The following FSD2 variants were observed in gnomAD, a reference collection of about 807,000 sequenced individuals.
The protein encoded by FSD2 is fibronectin type III and SPRY domain containing 2, also known as fibronectin type III and SPRY domain-containing protein 2.
A neutral mutation model predicts 80.4 loss-of-function variants in FSD2; 71 were observed. The observed-to-expected ratio is 0.88, with a 90% CI of 0.73 to 1.08. FSD2 has a LOEUF of 1.08. Among genes scored for constraint, FSD2 ranks in the 50% least tolerant of loss-of-function variants. FSD2 has a pLI of 0.00. For missense variants in FSD2, 923 were observed against 913.8 expected (o/e 1.01, Z -0.13); for synonymous variants, 361 against 329.5 (o/e 1.10, Z -1.03).
rs1283490348 is a variant in FSD2 at position 82,759,432 on chromosome 15, C to T, written c.2166G>A (p.Val722=). 6.2e-7 allele frequency: 1 copy of T among 1,613,698 alleles called. No individual in the cohort carries two copies. Reference sequence around the variant, plus strand: ...GCTTTTCCAAAGAAAAACAGGGATGCACAAATTCGTGAAGCTGACAACTAA... The same window carrying T: ...GCTTTTCCAAAGAAAAACAGGGATGTACAAATTCGTGAAGCTGACAACTAA... ...YTFSCQLHEF[V]HPCFSLEKPG... is the part of the protein sequence containing the mutation. Residue 722 remains valine, a synonymous_variant, in exon 13 of 13, where the codon GTG becomes GTA. Transcript: ENST00000334574.
At chr15:82,761,118 G>A (rs2049287594) in intron 12 of FSD2, among the ~76,000 whole-genome samples, 1 of 152,210 alleles carries the variant, frequency 6.6e-6, no homozygotes, top group East Asian at 1.9e-4. Context: ...TCCCACTTAT[G>A]CTTGGGCATG....
chr15:82,775,658 T>C (rs180852126), intron 6 of FSD2, among the ~76,000 whole-genome samples: 1 of 152,278 alleles, frequency 6.6e-6, no homozygotes, highest in African/African-American at 2.4e-5. Flanking sequence ...CTCTAATCTT[T>C]ATTATTTCCT....
chr15:82,796,096 G>A (rs1331292288), intron 1 of FSD2, among the ~76,000 whole-genome samples: 2 of 149,354 alleles, frequency 1.3e-5, no homozygotes, highest in Non-Finnish European at 3.0e-5. Flanking sequence ...CCGCCTTCTG[G>A]TTTCAAGTGA....
intron 7 of FSD2, among the ~76,000 whole-genome samples, chr15:82,770,111 G>A (rs1243954550): frequency 1.3e-5 from 2 of 152,154 alleles, no homozygotes; most frequent in Non-Finnish European, 1.5e-5. Context: ...TTTGGTCAAT[G>A]GGGCAATAAC....
At chr15:82,805,172 T>A (rs1427346804) in intron 1 of FSD2, among the ~76,000 whole-genome samples, 2 of 145,908 alleles carry the variant, frequency 1.4e-5, no homozygotes, top group African/African-American at 5.1e-5. Flanking sequence ...AGAGACAGGT[T>A]CTTGCTATGT....
At position 82,783,148 on chromosome 15, in the gene FSD2, G is replaced by C. The variant is rs2049912010; in HGVS notation, c.736-123C>G. The C allele has an allele frequency of 4.3e-6, 3 of 696,454 alleles. No individual in the cohort carries two copies. In the East Asian group the frequency reaches 7.7e-5, roughly 18 times the overall value. The allele number at this position is 696,454 out of a possible 1,614,324, so 43.1% of individuals were successfully genotyped here. A position where few individuals can be genotyped will look rare whatever the true frequency, so the allele number is the denominator to read the frequency against. On this transcript the variant is annotated intron_variant, in intron 3 of 12. Coordinates refer to ENST00000334574, the MANE Select transcript of FSD2 (RefSeq NM_001007122.4). ...CAGTCTTGCAGTGTTGCCCAGGCTG[G>C]AGTACAGTAGTGTGATCTTGGCTCA...
chr15:82,803,009 C>A (rs776926490), intron 1 of FSD2, among the ~76,000 whole-genome samples: 1 of 152,012 alleles, frequency 6.6e-6, no homozygotes, highest in African/African-American at 2.4e-5. Flanking sequence ...TTGGGCTAGG[C>A]GCTGGGGGTA....
At chr15:82,780,371 G>C (rs1370729597) in intron 4 of FSD2, 104 bp from the exon 5 acceptor site, 2 of 779,454 alleles carry the variant, frequency 2.6e-6, no homozygotes, top group Admixed American at 6.8e-5. Context: ...GTCTCACTCT[G>C]TCCCCCAGGC....
rs2050003709 is a variant in FSD2, at chr15:82,786,591, T to A, written c.655A>T (p.Asn219Tyr). Reference sequence around the variant, plus strand: ...ATCTGCTTTTCCAATTTGTACATGTTTTTGTGAATTTCATCCTATCCAACA... The same window carrying A: ...ATCTGCTTTTCCAATTTGTACATGTATTTGTGAATTTCATCCTATCCAACA... ...LESAKDEIHK[N>Y]MYKLEKQIIE... The change falls in exon 3 of 13, where the codon AAC (asparagine) becomes TAC (tyrosine). Residue 219 changes from asparagine (N) to tyrosine (Y), a missense_variant. Physicochemically the swap from Asn to Tyr is moderately radical, Grantham distance 143 (BLOSUM62 -2). Transcript: ENST00000334574. The A allele has an allele frequency of 1.2e-6, 2 of 1,613,464 alleles. No homozygotes were observed. The highest frequency in any genetic ancestry group is 1.7e-6 in the Non-Finnish European group (2 of 1,179,620).
chr15:82,770,179 C>T (rs929211137), intron 7 of FSD2, among the ~76,000 whole-genome samples: 8 of 152,228 alleles, frequency 5.3e-5, no homozygotes, highest in African/African-American at 1.9e-4. Flanking sequence ...CCTCTTGCTG[C>T]TGGGGATGCT....
chr15:82,776,798 A>G (rs1466408911), intron 6 of FSD2, among the ~76,000 whole-genome samples: 1 of 152,220 alleles, frequency 6.6e-6, no homozygotes, highest in Non-Finnish European at 1.5e-5. Context: ...GGAAAGACAA[A>G]GCTAGAGGCA....
At chr15:82,769,095 G>A (rs1050068034) in intron 8 of FSD2, 65 bp from the exon 9 acceptor site, 13 of 1,343,538 alleles carry the variant, frequency 9.7e-6, no homozygotes, top group Non-Finnish European at 1.3e-5. Flanking sequence ...TTTGTTCAGA[G>A]CCATGGACAA....
At chr15:82,793,365 G>T (rs2050194054) in intron 1 of FSD2, among the ~76,000 whole-genome samples, 1 of 152,012 alleles carries the variant, frequency 6.6e-6, no homozygotes, top group African/African-American at 2.4e-5. Context: ...TATCCGAAAG[G>T]AATTCAAATG....
chr15:82,786,647 T>C, intron 2 of FSD2, 41 bp from the exon 3 acceptor site: 12 of 1,601,594 alleles, frequency 7.5e-6, no homozygotes, highest in Non-Finnish European at 9.4e-6. Flanking sequence ...TAATGTTACA[T>C]CTTCTCTCAC....
intron 4 of FSD2, among the ~76,000 whole-genome samples, chr15:82,780,703 C>T (rs921439774): frequency 6.6e-6 from 1 of 151,426 alleles, no homozygotes; most frequent in Admixed American, 6.6e-5. Flanking sequence ...TGTGATAATA[C>T]ATATTGTCAC....
chr15:82,797,464 T>A (rs549706600), intron 1 of FSD2, among the ~76,000 whole-genome samples: 9 of 152,238 alleles, frequency 5.9e-5, no homozygotes, highest in Non-Finnish European at 1.2e-4. Context: ...AAACTTTTTT[T>A]AAAAAAGCTC....
chr15:82,789,639 A>C (rs1227833829), intron 1 of FSD2, among the ~76,000 whole-genome samples: 2 of 152,196 alleles, frequency 1.3e-5, no homozygotes, highest in Non-Finnish European at 2.9e-5. Flanking sequence ...CAGATATCCA[A>C]CTACAGGGAG....
chr15:82,768,652 A>G (rs1344237979), intron 9 of FSD2, among the ~76,000 whole-genome samples: 1 of 152,252 alleles, frequency 6.6e-6, no homozygotes, highest in African/African-American at 2.4e-5. Flanking sequence ...TAAAACAACA[A>G]CCACAACAAC....
chr15:82,783,390 C>T (rs1291510508), intron 3 of FSD2, among the ~76,000 whole-genome samples: 5 of 152,200 alleles, frequency 3.3e-5, no homozygotes, highest in Admixed American at 2.6e-4. Flanking sequence ...AGAGCCACCA[C>T]GCCCAGCCTG....
Sources: allele counts gnomAD v4.1 joint callset (sites outside exome capture counted in the v4.1 genomes callset), GRCh38; gene constraint gnomAD v4.1.1; transcripts MANE v1.5; gene names NCBI Gene and HGNC (gene_info 2026-07-23, HGNC 2026-07-21).